The following ATXN7L1 variants were observed in gnomAD, a reference collection of about 807,000 sequenced individuals.
ATXN7L1 encodes ataxin-7-like protein 1.
A neutral mutation model predicts 70.8 loss-of-function variants in ATXN7L1; 15 were observed. The ratio of observed to expected loss-of-function variants is 0.21; its 90% CI spans 0.14 to 0.33. The LOEUF (loss-of-function observed/expected upper bound fraction) is 0.33. Ranked by LOEUF, ATXN7L1 falls within the 10% of genes least tolerant of loss-of-function variation. The pLI is 1.00. For synonymous variants in ATXN7L1, 440 were observed against 445.1 expected, an observed-to-expected ratio of 0.99 and a Z score of 0.14; for missense variants, 975 against 1,097.1, an observed-to-expected ratio of 0.89 and a Z score of 1.57.
At chr7:105,783,840 C>A (rs1803881166) in intron 3 of ATXN7L1, among the ~76,000 whole-genome samples, 1 of 152,318 alleles carries the variant, frequency 6.6e-6, no homozygotes, top group South Asian at 2.1e-4. Flanking sequence ...GTAGCCAAGT[C>A]AGACAGAAAT....
At chr7:105,843,837 A>T (rs984964956) in intron 2 of ATXN7L1, among the ~76,000 whole-genome samples, 1 of 152,242 alleles carries the variant, frequency 6.6e-6, no homozygotes, top group Non-Finnish European at 1.5e-5. Flanking sequence ...TTCCTGCTCC[A>T]TTACTGTGTA....
chr7:105,717,820 G>A (rs1313284811), intron 3 of ATXN7L1, among the ~76,000 whole-genome samples: 1 of 152,040 alleles, frequency 6.6e-6, no homozygotes, highest in Non-Finnish European at 1.5e-5. Flanking sequence ...ACATTTTTCA[G>A]GTGAAAATGT....
At position 105,607,395 on chromosome 7, in the gene ATXN7L1, T is replaced by G; in HGVS notation, c.*457A>C. The stretch of plus-strand genomic sequence containing the variant: ...TGAAGACCAGTGAGGACCCAGAGAG[T>G]GGTAGACGTAGGGATGGAAGGAATC... On this transcript the variant is annotated 3_prime_UTR_variant, in exon 12 of 12. Transcript: ENST00000419735. 6.0e-6 allele frequency: 1 copy of G among 167,208 alleles called. No homozygotes were observed. Among genetic ancestry groups the G allele is most frequent in the Admixed American group, 5.8e-5 (1 of 17,192 alleles). 10.4% of individuals were successfully genotyped at this position (167,208 alleles called of 1,614,324 possible).
intron 3 of ATXN7L1, among the ~76,000 whole-genome samples, chr7:105,669,001 G>A (rs146116243): frequency 8.9e-4 from 135 of 152,222 alleles, no homozygotes; most frequent in African/African-American, 3.0e-3. Flanking sequence ...TCTTGCCTTG[G>A]CCTCGCAAAA....
chr7:105,727,746 G>GTATATATATATATATATATATA (rs1232202676), intron 3 of ATXN7L1, among the ~76,000 whole-genome samples: 3 of 55,336 alleles, frequency 5.4e-5, no homozygotes, highest in African/African-American at 2.0e-4. Flanking sequence ...GTGTATGTGT[G>GTATATATATATATATATATATA]TATATATATA....
chr7:105,774,353 CTTTTTT>C (rs34037396), intron 3 of ATXN7L1, among the ~76,000 whole-genome samples: 1 of 135,404 alleles, frequency 7.4e-6, no homozygotes, highest in Non-Finnish European at 1.6e-5. Context: ...GCCAGCAACC[CTTTTTT>C]TTTTTTTTTT....
chr7:105,733,886 CAT>C, intron 3 of ATXN7L1, among the ~76,000 whole-genome samples: 4 of 126,238 alleles, frequency 3.2e-5, no homozygotes, highest in African/African-American at 8.9e-5. Flanking sequence ...ATCCATCATC[CAT>C]CATCCATCCA....
At chr7:105,815,634 C>G (rs1031657604) in intron 2 of ATXN7L1, among the ~76,000 whole-genome samples, 2 of 152,182 alleles carry the variant, frequency 1.3e-5, no homozygotes, top group Non-Finnish European at 2.9e-5. Context: ...CTTTGCCTCC[C>G]AGGCACTCTT....
chr7:105,801,636 C>A (rs1299287232), intron 2 of ATXN7L1, among the ~76,000 whole-genome samples: 1 of 151,726 alleles, frequency 6.6e-6, no homozygotes, highest in Admixed American at 6.6e-5. Flanking sequence ...ACACCTGGCA[C>A]ATGGTTCAGT....
chr7:105,717,148 G>A (rs1405607896), intron 3 of ATXN7L1, among the ~76,000 whole-genome samples: 1 of 151,930 alleles, frequency 6.6e-6, no homozygotes, highest in Non-Finnish European at 1.5e-5. Flanking sequence ...ATTTTTTTGA[G>A]ATGGGGTCTC....
intron 3 of ATXN7L1, among the ~76,000 whole-genome samples, chr7:105,740,642 C>T (rs779258489): frequency 6.6e-6 from 1 of 151,964 alleles, no homozygotes; most frequent in Non-Finnish European, 1.5e-5. Flanking sequence ...TTTGGGGTCT[C>T]TTAATTTCTC....
chr7:105,745,407 T>A (rs1451909064), intron 3 of ATXN7L1, among the ~76,000 whole-genome samples: 1 of 152,228 alleles, frequency 6.6e-6, no homozygotes, highest in Non-Finnish European at 1.5e-5. Context: ...TTGTAATATA[T>A]TTTTTCATGT....
chr7:105,698,979 G>A (rs2116228805), intron 3 of ATXN7L1, among the ~76,000 whole-genome samples: 1 of 152,262 alleles, frequency 6.6e-6, no homozygotes, highest in Admixed American at 6.5e-5. Context: ...TATTAAATAT[G>A]CATCAAATTT....
At chr7:105,860,424 C>T (rs1192933184) in intron 2 of ATXN7L1, among the ~76,000 whole-genome samples, 1 of 152,010 alleles carries the variant, frequency 6.6e-6, no homozygotes, top group Non-Finnish European at 1.5e-5. Context: ...GAGCTAATGT[C>T]CTAAGGTGAG....
At chr7:105,783,643 T>C (rs1803855806) in intron 3 of ATXN7L1, among the ~76,000 whole-genome samples, 1 of 152,208 alleles carries the variant, frequency 6.6e-6, no homozygotes, top group Non-Finnish European at 1.5e-5. Context: ...GAACCCCAAC[T>C]CCACACAGGG....
rs62481257 is a variant in ATXN7L1, at chr7:105,740,796, A to C, written c.355+47808T>G. Among the ~76,000 whole-genome samples the C allele has an allele frequency of 6.2e-4, 52 of 84,494 alleles. 11 individuals are homozygous for C. Among genetic ancestry groups the C allele is most frequent in the African/African-American group, 2.8e-3 (52 of 18,776 alleles). 55.4% of individuals were successfully genotyped at this position (84,494 alleles called of 152,430 possible). On this transcript the variant is annotated intron_variant, in intron 3 of 11. Transcript: ENST00000419735. ...TTTTTTTTTTTTTTAATGGAGTCTC[A>C]CTCTGTCGCCCAGGCTGGAGTGCGG...
chr7:105,736,837 C>A (rs1337224969), intron 3 of ATXN7L1, among the ~76,000 whole-genome samples: 2 of 152,218 alleles, frequency 1.3e-5, no homozygotes, highest in South Asian at 2.1e-4. Flanking sequence ...CACACAGAGT[C>A]TTACTTTCTT....
At chr7:105,668,468 T>C (rs1304681322) in intron 3 of ATXN7L1, among the ~76,000 whole-genome samples, 1 of 152,114 alleles carries the variant, frequency 6.6e-6, no homozygotes. Context: ...CAGGATCTCA[T>C]CTCACTGCAA....
rs1293190047 is a variant in ATXN7L1 at position 105,624,056 on chromosome 7, G to A, written c.1395+19C>T. On this transcript the variant is annotated intron_variant, in intron 8 of 11. Transcript: ENST00000419735. ...AGCACAGGCGAAGAACGCATGGCAA[G>A]GAACGGAAGGAGGCCTACCGCCAGA... The A allele has an allele frequency of 4.3e-6, 6 of 1,381,622 alleles. No individual in the cohort carries two copies. The highest frequency in any genetic ancestry group is 5.7e-6 in the Non-Finnish European group (6 of 1,053,498). 85.6% of individuals were successfully genotyped at this position (1,381,622 alleles called of 1,614,324 possible). A position where few individuals can be genotyped will look rare whatever the true frequency, so the allele number is the denominator to read the frequency against.
Sources: allele counts gnomAD v4.1 joint callset (sites outside exome capture counted in the v4.1 genomes callset), GRCh38; gene constraint gnomAD v4.1.1; transcripts MANE v1.5; gene names NCBI Gene and HGNC (gene_info 2026-07-23, HGNC 2026-07-21).